Variants in SYT13 observed in about 807,000 individuals in gnomAD.
SYT13 encodes synaptotagmin-13.
A neutral mutation model predicts 38.6 loss-of-function variants in SYT13; 21 were observed. The ratio of observed to expected loss-of-function variants is 0.54; its 90% CI spans 0.39 to 0.78. SYT13 has a LOEUF of 0.78. Ranked by LOEUF, SYT13 falls within the 30% of genes least tolerant of loss-of-function variation. SYT13 has a pLI of 0.00. For synonymous variants in SYT13, 241 were observed against 237.6 expected, an observed-to-expected ratio of 1.01 and a Z score of -0.13; for missense variants, 495 against 548.7, an observed-to-expected ratio of 0.90 and a Z score of 0.98.
intron 5 of SYT13, among the ~76,000 whole-genome samples, chr11:45,244,751 C>A: frequency 6.6e-6 from 1 of 152,168 alleles, no homozygotes; most frequent in East Asian, 1.9e-4. Context: ...AGTGGGGATG[C>A]AGCAGAAGTT....
At chr11:45,266,395 T>C (rs1301857177) in intron 1 of SYT13, among the ~76,000 whole-genome samples, 1 of 152,164 alleles carries the variant, frequency 6.6e-6, no homozygotes, top group Non-Finnish European at 1.5e-5. Context: ...TTCCATATGA[T>C]TGTTTTAGTA....
intron 4 of SYT13, among the ~76,000 whole-genome samples, chr11:45,249,070 C>T (rs1854645054): frequency 6.6e-6 from 1 of 152,152 alleles, no homozygotes; most frequent in Non-Finnish European, 1.5e-5. Flanking sequence ...AAACAAACAG[C>T]CCCATCAAAA....
At chr11:45,285,883 TC>T (rs1230013423) in intron 1 of SYT13, 141 bp downstream of exon 1, 1 of 937,702 alleles carries the variant, frequency 1.1e-6, no homozygotes, top group Non-Finnish European at 1.6e-6. Context: ...CCTTGACCTG[TC>T]CTCCAACGCG....
intron 3 of SYT13, among the ~76,000 whole-genome samples, chr11:45,253,158 A>C (rs1854699839): frequency 6.6e-6 from 1 of 152,122 alleles, no homozygotes; most frequent in Admixed American, 6.6e-5. Context: ...TTATGTTCTG[A>C]ACCTTGGTGT....
At chr11:45,277,616 G>C (rs1590532040) in intron 1 of SYT13, among the ~76,000 whole-genome samples, 1 of 151,854 alleles carries the variant, frequency 6.6e-6, no homozygotes, top group Admixed American at 6.6e-5. Flanking sequence ...TTTTCCCCAG[G>C]CCCTCGTAAA....
chr11:45,275,853 A>G (rs1456443683), intron 1 of SYT13, among the ~76,000 whole-genome samples: 2 of 152,218 alleles, frequency 1.3e-5, no homozygotes, highest in Non-Finnish European at 2.9e-5. Flanking sequence ...GCTTGGGGGA[A>G]CAGAATGGGA....
intron 1 of SYT13, among the ~76,000 whole-genome samples, chr11:45,271,048 G>A (rs1854943477): frequency 1.3e-5 from 2 of 152,134 alleles, no homozygotes; most frequent in East Asian, 1.9e-4. Flanking sequence ...TGGTAGAGAT[G>A]AGATATTCCA....
intron 1 of SYT13, among the ~76,000 whole-genome samples, chr11:45,261,384 G>C (rs1259045759): frequency 6.6e-6 from 1 of 152,052 alleles, no homozygotes; most frequent in Non-Finnish European, 1.5e-5. Flanking sequence ...TAGGTCAGGA[G>C]ATCGAGACCA....
At position 45,246,452 on chromosome 11, in the gene SYT13, G is replaced by A. The variant is rs757281112; in HGVS notation, c.907C>T (p.Arg303Cys). Residue 303 changes from arginine (R) to cysteine (C), a missense_variant, in exon 5 of 6, where the codon CGC becomes TGC. Physicochemically the swap from Arg to Cys is radical, Grantham distance 180 (BLOSUM62 -3). Coordinates refer to ENST00000020926, the MANE Select transcript of SYT13 (RefSeq NM_020826.3). ...LSISYLPAAN[R>C]LLVVLIKAKN... is the part of the protein sequence containing the mutation. Reference sequence around the variant, plus strand: ...GCTTTAATCAGCACCACCAGGAGGCGGTTGGCAGCCGGGAGGTAGCTGATG... The same window carrying A: ...GCTTTAATCAGCACCACCAGGAGGCAGTTGGCAGCCGGGAGGTAGCTGATG... 5 of 1,614,006 alleles carry A rather than the reference G, an allele frequency of 3.1e-6. No individual in the cohort carries two copies. In the Admixed American group the frequency reaches 6.7e-5, roughly 22 times the overall value.
At chr11:45,268,911 T>G (rs963297883) in intron 1 of SYT13, among the ~76,000 whole-genome samples, 5 of 152,178 alleles carry the variant, frequency 3.3e-5, no homozygotes, top group Non-Finnish European at 7.3e-5. Context: ...CCAACACTGA[T>G]TGCTACCCCG....
intron 1 of SYT13, among the ~76,000 whole-genome samples, chr11:45,281,006 C>A (rs535584179): frequency 6.6e-6 from 1 of 152,080 alleles, no homozygotes; most frequent in Non-Finnish European, 1.5e-5. Context: ...ACCAGCCTGG[C>A]CAACATGGTG....
At chr11:45,262,784 C>T (rs1386093361) in intron 1 of SYT13, among the ~76,000 whole-genome samples, 2 of 147,958 alleles carry the variant, frequency 1.4e-5, no homozygotes, top group South Asian at 2.1e-4. Flanking sequence ...GAACTGTACA[C>T]TTAAAAATGG....
At chr11:45,263,970 C>A (rs1023923683) in intron 1 of SYT13, among the ~76,000 whole-genome samples, 1 of 152,178 alleles carries the variant, frequency 6.6e-6, no homozygotes, top group Non-Finnish European at 1.5e-5. Flanking sequence ...GCCCAGCCAA[C>A]CCTCGACAAA....
chr11:45,269,455 C>T (rs1216853505), intron 1 of SYT13: 3 of 1,280,122 alleles, frequency 2.3e-6, no homozygotes, highest in Non-Finnish European at 3.0e-6. Flanking sequence ...TCAGCAGTCA[C>T]ATCACAAAGC....
At chr11:45,273,805 G>A (rs537585236) in intron 1 of SYT13, among the ~76,000 whole-genome samples, 5 of 152,310 alleles carry the variant, frequency 3.3e-5, no homozygotes, top group South Asian at 4.1e-4. Context: ...CATTTATCAC[G>A]TCTGGAATAC....
rs554142525 is a variant in SYT13 at position 45,241,082 on chromosome 11, ATTACAT to A, written c.*2964_*2969del. On this transcript the variant is annotated 3_prime_UTR_variant, in exon 6 of 6. Transcript: ENST00000020926. ...GCAATTATATTCTCTTCATCTGTTG[ATTACAT>A]TTACATGGAGAGCAATGAGTTGCCA... The A allele has an allele frequency of 2.4e-4, 37 of 152,340 alleles. No homozygotes were observed. The highest frequency in any genetic ancestry group is 7.9e-4 in the African/African-American group (33 of 41,572). 9.4% of individuals were successfully genotyped at this position (152,340 alleles called of 1,614,324 possible).
In SYT13 at chr11:45,253,286, TGAA is replaced by T. The variant is rs764574307; in HGVS notation, c.545-567_545-565del. Among the ~76,000 whole-genome samples, 175 of 152,254 alleles carry T rather than the reference TGAA, an allele frequency of 1.1e-3. 1 individual carries two copies. The highest frequency in any genetic ancestry group is 1.5e-3 in the Non-Finnish European group (102 of 68,030). On this transcript the variant is annotated intron_variant, in intron 3 of 5. Coordinates refer to ENST00000020926, the MANE Select transcript of SYT13 (RefSeq NM_020826.3). ...GCTGACATTTCACAAGAAGAGAAGA[TGAA>T]GAACTGAGGCTATGTGTCTTAACAG... is the stretch of plus-strand genomic sequence containing the variant.
chr11:45,250,836 C>T (rs910753199), intron 4 of SYT13, among the ~76,000 whole-genome samples: 23 of 152,148 alleles, frequency 1.5e-4, no homozygotes, highest in African/African-American at 5.3e-4. Flanking sequence ...AGGAAAGGTG[C>T]CTGCTGGTCA....
intron 1 of SYT13, among the ~76,000 whole-genome samples, chr11:45,282,642 T>C (rs934166120): frequency 6.6e-6 from 1 of 152,232 alleles, no homozygotes; most frequent in Non-Finnish European, 1.5e-5. Flanking sequence ...ACAGCTGTAA[T>C]GTGCTACCAA....
Sources: gnomAD v4.1 joint callset for allele counts (sites outside exome capture counted in the v4.1 genomes callset) on GRCh38, gnomAD v4.1.1 for gene constraint, MANE v1.5 for transcripts, NCBI Gene and HGNC (gene_info 2026-07-23, HGNC 2026-07-21) for gene names.